The following PCOLCE variants were observed in gnomAD, a reference collection of about 807,000 sequenced individuals.
PCOLCE encodes the protein procollagen C-endopeptidase enhancer.
Under a neutral mutation model 47.2 loss-of-function variants are expected in PCOLCE, and 33 were observed. That is an observed-to-expected ratio of 0.70 (90% CI 0.53 to 0.93). The LOEUF is 0.93. Ranked by LOEUF, PCOLCE falls within the 40% of genes least tolerant of loss-of-function variation. The pLI is 0.00. For synonymous variants in PCOLCE, 254 were observed against 252.5 expected, an observed-to-expected ratio of 1.01 and a Z score of -0.06; for missense variants, 584 against 585.3, an observed-to-expected ratio of 1.00 and a Z score of 0.02.
chr7:100,606,428 C>T lies in PCOLCE; in HGVS notation c.738C>T (p.Ser246=), dbSNP rs753289492. 6.8e-6 allele frequency: 11 copies of T among 1,613,604 alleles called. No homozygotes were observed. Among genetic ancestry groups the T allele is most frequent in the African/African-American group, 5.3e-5 (4 of 74,926 alleles). ...TGGCCACCTGCAGCTCCATCTCCTC[C>T]GAAGGGAATGAACTCCTCGTCCAGT... ...CGDAVPGSIS[S]EGNELLVQFV... Residue 246 remains serine, a synonymous_variant, in exon 6 of 9, where the codon TCC becomes TCT. Coordinates refer to ENST00000223061, the MANE Select transcript of PCOLCE (RefSeq NM_002593.4).
In PCOLCE at chr7:100,603,514, T is replaced by A. The variant is rs1802649570; in HGVS notation, c.180T>A (p.Asn60Lys). The change falls in exon 2 of 9, where the codon AAT (asparagine) becomes AAA (lysine). Residue 60 changes from asparagine to lysine, a missense_variant. By Grantham distance (94) the Asn-to-Lys change is moderately conservative. Coordinates refer to ENST00000223061, the MANE Select transcript of PCOLCE (RefSeq NM_002593.4). ...GGTTCCCCAACCTCTACCCCCCTAA[T>A]AAGGAGTGCATCTGGACCATAACGG... ...SEGFPNLYPPNKECIWTITVP... is the reference protein window; with the variant it reads ...SEGFPNLYPPKKECIWTITVP... 6.3e-7 allele frequency: 1 copy of A among 1,592,976 alleles called. No homozygotes were observed. Among genetic ancestry groups the A allele is most frequent in the East Asian group, 2.3e-5 (1 of 44,170 alleles).
At chr7:100,607,595 G>A in intron 7 of PCOLCE, 42 bp from the exon 8 acceptor site, 2 of 1,610,550 alleles carry the variant, frequency 1.2e-6, no homozygotes, top group Non-Finnish European at 1.7e-6. Context: ...CTGCCATCTG[G>A]AACCTCCCAT....
In PCOLCE at chr7:100,605,827, C is replaced by T. The variant is rs1283165385; in HGVS notation, c.725+15C>T. ...GCAGTCCCGGGGTGAGGGGCGGGAC[C>T]TGGGCGAGTCCGGGAGAGAGTCGGC... On this transcript the variant is annotated intron_variant, in intron 5 of 8. Transcript: ENST00000223061. This position sits in a 1 kb window ranked among gnomAD's most constrained non-coding sequence, Gnocchi z 6.1. The T allele has an allele frequency of 3.9e-6, 6 of 1,549,826 alleles. No individual in the cohort carries two copies. The highest frequency in any genetic ancestry group is 5.2e-6 in the Non-Finnish European group (6 of 1,146,262).
In PCOLCE at chr7:100,603,500, C is replaced by T. The variant is rs1259139580; in HGVS notation, c.166C>T (p.Leu56Phe). The T allele has an allele frequency of 1.2e-6, 2 of 1,602,512 alleles. No homozygotes were observed. Among genetic ancestry groups the T allele is most frequent in the Non-Finnish European group, 1.7e-6 (2 of 1,172,668 alleles). ...GYVASEGFPN[L>F]YPPNKECIWT... ...CGTGGCAAGTGAGGGGTTCCCCAAC[C>T]TCTACCCCCCTAATAAGGAGTGCAT... Residue 56 changes from leucine (L) to phenylalanine (F), a missense_variant, in exon 2 of 9, where the codon CTC (leucine) becomes TTC (phenylalanine). Leu to Phe is a conservative substitution (Grantham distance 22). Transcript: ENST00000223061.
rs779358807 is a variant in PCOLCE, at chr7:100,606,543, G to A, written c.853G>A (p.Gly285Ser). The part of the protein sequence containing the change: ...RGTAKEGQGP[G>S]PKRGTEPKVK... ...CACTGCCAAAGAAGGGCAAGGGCCCGGCCCCAAACGGGGAACTGAGCCTAA... is the reference window on the plus strand; with the variant it reads ...CACTGCCAAAGAAGGGCAAGGGCCCAGCCCCAAACGGGGAACTGAGCCTAA... Residue 285 changes from glycine (G) to serine (S), a missense_variant, in exon 6 of 9, where the codon GGC becomes AGC. Physicochemically the swap from Gly to Ser is moderately conservative, Grantham distance 56. Coordinates refer to ENST00000223061, the MANE Select transcript of PCOLCE (RefSeq NM_002593.4). 2.5e-5 allele frequency: 40 copies of A among 1,614,176 alleles called. 1 individual carries two copies. In the Middle Eastern group the frequency reaches 6.6e-4, roughly 27 times the overall value.
chr7:100,606,528 G>A lies in PCOLCE; in HGVS notation c.838G>A (p.Glu280Lys). 2.5e-6 allele frequency: 4 copies of A among 1,614,230 alleles called. No individual in the cohort carries two copies. Among genetic ancestry groups the A allele is most frequent in the Non-Finnish European group, 3.4e-6 (4 of 1,180,024 alleles). The part of the protein sequence containing the change: ...YKTLPRGTAK[E>K]GQGPGPKRGT... ...GACCCTGCCGCGGGGCACTGCCAAA[G>A]AAGGGCAAGGGCCCGGCCCCAAACG... is the stretch of plus-strand genomic sequence containing the variant. The change falls in exon 6 of 9, where the codon GAA becomes AAA. Residue 280 changes from glutamate to lysine, a missense_variant. Glu to Lys is a moderately conservative substitution (Grantham distance 56, BLOSUM62 1). Transcript: ENST00000223061.
intron 2 of PCOLCE, chr7:100,603,741 T>C (rs1802656164): frequency 1.6e-6 from 1 of 612,622 alleles, no homozygotes; most frequent in Non-Finnish European, 2.9e-6. Context: ...CATTCTCCAG[T>C]CCCCGGCCCT....
chr7:100,606,832 T>C (rs1367923306), intron 6 of PCOLCE, among the ~76,000 whole-genome samples: 1 of 152,206 alleles, frequency 6.6e-6, no homozygotes, highest in Non-Finnish European at 1.5e-5. Flanking sequence ...GGCTCACGCC[T>C]GTAATCCCAG....
intron 1 of PCOLCE, chr7:100,603,074 A>T: frequency 4.1e-6 from 1 of 246,022 alleles, no homozygotes; most frequent in Non-Finnish European, 7.7e-6. Flanking sequence ...CTGTGTCCAC[A>T]TCTGGAAGTA....
At position 100,607,929 on chromosome 7, in the gene PCOLCE, T is replaced by C. The variant is rs1213648327; in HGVS notation, c.1184-8T>C. On this transcript the variant is annotated splice_polypyrimidine_tract_variant and splice_region_variant and intron_variant, in intron 8 of 8. Coordinates refer to ENST00000223061, the MANE Select transcript of PCOLCE (RefSeq NM_002593.4). ...TAAGAGATCTCAACCCCTCCCTCCT[T>C]CTTCCAGGAGTCAGTTATCTGCTGA... The C allele has an allele frequency of 1.9e-6, 3 of 1,614,038 alleles. No individual in the cohort carries two copies. Among genetic ancestry groups the C allele is most frequent in the Admixed American group, 1.7e-5 (1 of 59,996 alleles).
chr7:100,604,992 C>T lies in PCOLCE; in HGVS notation c.464-99C>T, dbSNP rs1415025687. On this transcript the variant is annotated intron_variant, in intron 3 of 8. Transcript: ENST00000223061. The surrounding 1 kb of genome is among the most constrained non-coding windows in gnomAD (Gnocchi z 6.4). ...TCGTCCCCTCATCCTGAGCCCCAGA[C>T]ATCCGAGCTGCCTGCCGGGGCTCCC... The T allele has an allele frequency of 5.1e-6, 4 of 787,670 alleles. No individual in the cohort carries two copies. Among genetic ancestry groups the T allele is most frequent in the South Asian group, 4.9e-5 (3 of 61,844 alleles). The allele number at this position is 787,670 out of a possible 1,614,324, so 48.8% of individuals were successfully genotyped here. A position where few individuals can be genotyped will look rare whatever the true frequency, so the allele number is the denominator to read the frequency against.
In PCOLCE at chr7:100,604,949, T is replaced by A. The variant is rs1057200876; in HGVS notation, c.464-142T>A. 1.0e-5 allele frequency: 6 copies of A among 595,508 alleles called. No individual in the cohort carries two copies. Among genetic ancestry groups the A allele is most frequent in the African/African-American group, 1.9e-5 (1 of 53,384 alleles). 36.9% of individuals were successfully genotyped at this position (595,508 alleles called of 1,614,324 possible). On this transcript the variant is annotated intron_variant, in intron 3 of 8. Transcript: ENST00000223061. This position sits in a 1 kb window ranked among gnomAD's most constrained non-coding sequence, Gnocchi z 6.4. ...GCCGCTCTCTGTTAACCTGCCCCCA[T>A]CTTACCTCCCCTTCTTCTCGTCCCC... is the stretch of plus-strand genomic sequence containing the variant.
intron 5 of PCOLCE, 56 bp from the exon 6 acceptor site, chr7:100,606,358 AAG>A (rs1171777798): frequency 2.6e-5 from 32 of 1,251,152 alleles, no homozygotes; most frequent in Non-Finnish European, 3.5e-5. Context: ...TGGGGCTGAG[AAG>A]AGTGTGGTGC....
intron 5 of PCOLCE, 94 bp from the exon 6 acceptor site, chr7:100,606,322 C>A: frequency 1.2e-6 from 1 of 825,366 alleles, no homozygotes; most frequent in Non-Finnish European, 1.9e-6. Flanking sequence ...AAGTGAGACC[C>A]TGTCTCAAAC....
chr7:100,606,537 G>A lies in PCOLCE; in HGVS notation c.847G>A (p.Gly283Arg), dbSNP rs753918290. 1 of 1,614,254 alleles carries A rather than the reference G, an allele frequency of 6.2e-7. No homozygotes were observed. The highest frequency in any genetic ancestry group is 8.5e-7 in the Non-Finnish European group (1 of 1,180,034). Reference sequence around the variant, plus strand: ...GCGGGGCACTGCCAAAGAAGGGCAAGGGCCCGGCCCCAAACGGGGAACTGA... The same window carrying A: ...GCGGGGCACTGCCAAAGAAGGGCAAAGGCCCGGCCCCAAACGGGGAACTGA... The part of the protein sequence containing the change: ...LPRGTAKEGQ[G>R]PGPKRGTEPK... Residue 283 changes from glycine (G) to arginine (R), a missense_variant, in exon 6 of 9, where the codon GGG (glycine) becomes AGG (arginine). Transcript: ENST00000223061.
In PCOLCE at chr7:100,605,345, G is replaced by A; in HGVS notation, c.588+130G>A. The A allele has an allele frequency of 1.1e-6, 1 of 907,508 alleles. No homozygotes were observed. Among genetic ancestry groups the A allele is most frequent in the Non-Finnish European group, 1.7e-6 (1 of 605,078 alleles). 56.2% of individuals were successfully genotyped at this position (907,508 alleles called of 1,614,324 possible). A position where few individuals can be genotyped will look rare whatever the true frequency, so the allele number is the denominator to read the frequency against. On this transcript the variant is annotated intron_variant, in intron 4 of 8. Transcript: ENST00000223061. The surrounding 1 kb of genome is among the most constrained non-coding windows in gnomAD (Gnocchi z 6.1). ...CTTGCGCTGGTGGGCACCCAAAACA[G>A]CCCCAACCCCTGCATGCACGCAAAC... is the stretch of plus-strand genomic sequence containing the variant.
chr7:100,607,090 C>CAAAAAAAAAGAAAAAAAA (rs1802729217), intron 6 of PCOLCE, among the ~76,000 whole-genome samples: 1 of 105,258 alleles, frequency 9.5e-6, no homozygotes, highest in African/African-American at 3.8e-5. Flanking sequence ...GATTCTGTCT[C>CAAAAAAAAAGAAAAAAAA]AAAAAAAAAA....
Position 100,606,493 on chromosome 7 carries a change from C to T in PCOLCE, c.803C>T (p.Ala268Val), listed in dbSNP as rs1277524883. Residue 268 changes from alanine to valine, a missense_variant, in exon 6 of 9, where the codon GCC becomes GTC. Transcript: ENST00000223061. ...AGTGTCACCGCTGATGGCTTCTCAG[C>T]CTCCTACAAGACCCTGCCGCGGGGC... is the stretch of plus-strand genomic sequence containing the variant. ...DLSVTADGFS[A>V]SYKTLPRGTA... The T allele has an allele frequency of 1.9e-6, 3 of 1,614,142 alleles. No individual in the cohort carries two copies.
At position 100,606,512 on chromosome 7, in the gene PCOLCE, G is replaced by T. The variant is rs374118608; in HGVS notation, c.822G>T (p.Pro274=). The T allele has an allele frequency of 6.2e-7, 1 of 1,614,016 alleles. No homozygotes were observed. Among genetic ancestry groups the T allele is most frequent in the African/African-American group, 1.3e-5 (1 of 74,930 alleles). The change falls in exon 6 of 9, where the codon CCG becomes CCT. Residue 274 remains proline, a synonymous_variant. Transcript: ENST00000223061. ...TCTCAGCCTCCTACAAGACCCTGCC[G>T]CGGGGCACTGCCAAAGAAGGGCAAG... The part of the protein sequence containing the change: ...DGFSASYKTL[P]RGTAKEGQGP...
Sources: gnomAD v4.1 joint callset for allele counts (sites outside exome capture counted in the v4.1 genomes callset) on GRCh38, gnomAD v4.1.1 for gene constraint, Gnocchi (gnomAD v3.1) non-coding constraint, MANE v1.5 for transcripts, NCBI Gene and HGNC (gene_info 2026-07-23, HGNC 2026-07-21) for gene names.